Variants in BRCC3 observed in about 807,000 individuals in gnomAD.
BRCC3 encodes BRCA1/BRCA2-containing complex subunit 3.
BRCC3 carries 15 observed loss-of-function variants against 28.0 expected under a neutral mutation model. The observed-to-expected ratio is 0.54, with a 90% confidence interval of 0.36 to 0.82. The LOEUF is 0.82. Ranked by LOEUF, BRCC3 falls within the 40% of genes least tolerant of loss-of-function variation. BRCC3 has a pLI of 0.01. For synonymous variants in BRCC3, 66 were observed against 80.3 expected (o/e 0.82, Z 0.95); for missense variants, 109 against 225.9 (o/e 0.48, Z 3.32).
chrX:155,085,007 G>A (rs1557294607), intron 5 of BRCC3, among the ~76,000 whole-genome samples: 1 of 111,625 alleles, frequency 9.0e-6, no homozygotes, highest in African/African-American at 3.3e-5. Flanking sequence ...ATGAGAAATA[G>A]TCAATTATTT....
chrX:155,079,178 G>T (rs952458930), intron 5 of BRCC3, among the ~76,000 whole-genome samples: 2 of 111,704 alleles, frequency 1.8e-5, no homozygotes, highest in African/African-American at 6.5e-5. Context: ...CAGAAAGAAG[G>T]AGAATAACTT....
At chrX:155,075,872 A>T (rs1268623696) in intron 3 of BRCC3, among the ~76,000 whole-genome samples, 1 of 111,941 alleles carries the variant, frequency 8.9e-6, no homozygotes, top group African/African-American at 3.3e-5. Flanking sequence ...CTCTGTATCT[A>T]AATCAGTTGG....
chrX:155,077,039 G>T (rs185359371), intron 3 of BRCC3, 131 bp from the exon 4 acceptor site: 1 of 514,908 alleles, frequency 1.9e-6, no homozygotes, highest in Non-Finnish European at 2.6e-6. Context: ...TTCATTATTC[G>T]TGAGAAAAGT....
chrX:155,084,112 C>G (rs2074103123), intron 5 of BRCC3, among the ~76,000 whole-genome samples: 1 of 112,441 alleles, frequency 8.9e-6, no homozygotes, highest in African/African-American at 3.2e-5. Context: ...ACATCATACA[C>G]ACACTTAACG....
intron 3 of BRCC3, among the ~76,000 whole-genome samples, chrX:155,075,226 C>G (rs2074022049): frequency 1.7e-5 from 1 of 57,743 alleles, no homozygotes; most frequent in Admixed American, 1.8e-4. Flanking sequence ...TAGCTTGTTT[C>G]AAAAGCCTTC....
At chrX:155,101,793 G>A (rs2074248743) in intron 7 of BRCC3, among the ~76,000 whole-genome samples, 1 of 111,524 alleles carries the variant, frequency 9.0e-6, no homozygotes, top group African/African-American at 3.3e-5. Flanking sequence ...AGGAGCCTTG[G>A]TTCTTTGTAA....
chrX:155,074,403 C>A (rs5945286), intron 3 of BRCC3, among the ~76,000 whole-genome samples: 1 of 111,475 alleles, frequency 9.0e-6, no homozygotes, highest in South Asian at 3.7e-4. Context: ...ATTCTACCTT[C>A]GGTGGATTAT....
At chrX:155,091,703 A>G (rs1415487380) in intron 7 of BRCC3, among the ~76,000 whole-genome samples, 2 of 111,210 alleles carry the variant, frequency 1.8e-5, no homozygotes, top group African/African-American at 6.6e-5. Flanking sequence ...ATTGTTTGAA[A>G]TGTCAAAGAA....
rs2290069 is a variant in BRCC3, at chrX:155,119,992, A to G, written c.725-7A>G. On this transcript the variant is annotated splice_polypyrimidine_tract_variant and splice_region_variant and intron_variant, in intron 9 of 10. Transcript: ENST00000330045. Reference sequence around the variant, plus strand: ...AATTATTCTCATCTTTATTTTTCCTATTGAAGTGTTTACCAAGAATCTGTG... The same window carrying G: ...AATTATTCTCATCTTTATTTTTCCTGTTGAAGTGTTTACCAAGAATCTGTG... 7.0e-4 allele frequency: 831 copies of G among 1,195,632 alleles called. 12 individuals carry two copies. In the East Asian group the frequency reaches 0.023, roughly 33 times the overall value.
At chrX:155,099,793 G>GCAAT (rs2074235769) in intron 7 of BRCC3, among the ~76,000 whole-genome samples, 1 of 111,711 alleles carries the variant, frequency 9.0e-6, no homozygotes. Flanking sequence ...TTGGTTTTAA[G>GCAAT]CAATCAGGAC....
In BRCC3 at chrX:155,122,151, T is replaced by A. The variant is rs1602820749; in HGVS notation, c.*947T>A. 1 of 105,067 alleles carries A rather than the reference T, an allele frequency of 9.5e-6. No homozygotes were observed. 8.7% of individuals were successfully genotyped at this position (105,067 alleles called of 1,213,427 possible). A position where few individuals can be genotyped will look rare whatever the true frequency, so the allele number is the denominator to read the frequency against. On this transcript the variant is annotated 3_prime_UTR_variant, in exon 11 of 11. Transcript: ENST00000330045. ...CAAAAAAAAAAAAAGGCCACAAAACTCAACAATAAAAACAAACAGTCCAAT... is the reference window on the plus strand; with the variant it reads ...CAAAAAAAAAAAAAGGCCACAAAACACAACAATAAAAACAAACAGTCCAAT...
chrX:155,085,172 C>CT (rs1176184768), intron 5 of BRCC3, among the ~76,000 whole-genome samples: 1 of 112,050 alleles, frequency 8.9e-6, no homozygotes, highest in Non-Finnish European at 1.9e-5. Flanking sequence ...TCCATGTCCC[C>CT]TTGGGGGGAA....
At chrX:155,111,931 C>T (rs1270856423) in intron 7 of BRCC3, among the ~76,000 whole-genome samples, 5 of 111,219 alleles carry the variant, frequency 4.5e-5, no homozygotes, top group African/African-American at 1.6e-4. Context: ...TAGTACTGAC[C>T]CCTATTACAC....
chrX:155,075,243 A>G (rs1557293310), intron 3 of BRCC3, among the ~76,000 whole-genome samples: 54 of 111,897 alleles, frequency 4.8e-4, no homozygotes, highest in African/African-American at 1.7e-3. Flanking sequence ...CTTCTCTCAG[A>G]TTTCACCCTT....
At chrX:155,102,235 C>T (rs1320516815) in intron 7 of BRCC3, among the ~76,000 whole-genome samples, 2 of 111,650 alleles carry the variant, frequency 1.8e-5, no homozygotes, top group African/African-American at 6.5e-5. Flanking sequence ...CATGGTATAT[C>T]TCTCCATTTA....
chrX:155,099,522 C>A (rs906691249), intron 7 of BRCC3: 61 of 913,278 alleles, frequency 6.7e-5, no homozygotes, highest in Non-Finnish European at 8.8e-5. Context: ...CCTAAGCTGC[C>A]AAGGAGACTA....
intron 1 of BRCC3, among the ~76,000 whole-genome samples, chrX:155,072,118 G>A (rs1375607661): frequency 8.9e-6 from 1 of 112,127 alleles, no homozygotes; most frequent in Admixed American, 9.3e-5. Context: ...TGCGGGGCTT[G>A]AAGGAAGCAA....
At chrX:155,120,293 TTTAA>T in intron 10 of BRCC3, 125 bp downstream of exon 10, 1 of 528,921 alleles carries the variant, frequency 1.9e-6, no homozygotes, top group South Asian at 3.3e-5. Context: ...TTCCTGACAG[TTTAA>T]TTAGAGTTCA....
intron 7 of BRCC3, among the ~76,000 whole-genome samples, chrX:155,097,913 G>A (rs1020687094): frequency 9.0e-6 from 1 of 111,431 alleles, no homozygotes; most frequent in Non-Finnish European, 1.9e-5. Flanking sequence ...GGAGAAAGGC[G>A]TGAACCCGGG....
Sources: gnomAD v4.1 joint callset for allele counts (sites outside exome capture counted in the v4.1 genomes callset) on GRCh38, gnomAD v4.1.1 for gene constraint, MANE v1.5 for transcripts, NCBI Gene and HGNC (gene_info 2026-07-23, HGNC 2026-07-21) for gene names.